Variants in TAAR1 observed in about 807,000 individuals in gnomAD.
The protein encoded by TAAR1 is trace amine associated receptor 1, also known as trace amine-associated receptor 1.
Under a neutral mutation model 1.2 loss-of-function variants are expected in TAAR1, and 1 was observed. That is an observed-to-expected ratio of 0.81 (90% CI 0.29 to 3.86). The LOEUF (loss-of-function observed/expected upper bound fraction) is 3.86, where lower values mean the gene tolerates loss of function less well. Among genes scored for constraint, TAAR1 ranks in the 30% most tolerant of loss-of-function variants. TAAR1 has a pLI of 0.18. For missense variants in TAAR1, 445 were observed against 405.6 expected (o/e 1.10, Z -0.83); for synonymous variants, 153 against 132.2 (o/e 1.16, Z -1.08).
At chr6:132,647,385 CACACACACAT>C (rs990124884) in intron 1 of TAAR1, among the ~76,000 whole-genome samples, 5 of 149,614 alleles carry the variant, frequency 3.3e-5, no homozygotes, top group Non-Finnish European at 7.4e-5. Context: ...CACACACACA[CACACACACAT>C]ATATAACACA....
intron 1 of TAAR1, among the ~76,000 whole-genome samples, chr6:132,653,228 C>T (rs898844694): frequency 3.3e-5 from 5 of 152,126 alleles, no homozygotes; most frequent in African/African-American, 1.2e-4. Flanking sequence ...GTAGTTGCAA[C>T]AGTGAAGAGC....
chr6:132,646,821 G>C (rs1227245799), intron 1 of TAAR1, among the ~76,000 whole-genome samples: 2 of 152,106 alleles, frequency 1.3e-5, no homozygotes, highest in Admixed American at 6.6e-5. Context: ...AATCATTAAA[G>C]CTTGAATATG....
rs772849752 is a variant in TAAR1, at chr6:132,645,611, A to G, written c.393T>C (p.Tyr131=). The G allele has an allele frequency of 4.3e-6, 7 of 1,613,588 alleles. No homozygotes were observed. Among genetic ancestry groups the G allele is most frequent in the Admixed American group, 1.7e-5 (1 of 59,838 alleles). Reference sequence around the variant, plus strand: ...TAACCAAGATATTCATCTTGGCTTTATATCTCAGTGGATCACACACAGCAT... The same window carrying G: ...TAACCAAGATATTCATCTTGGCTTTGTATCTCAGTGGATCACACACAGCAT... ...RYYAVCDPLR[Y]KAKMNILVIC... The change falls in exon 2 of 2, where the codon TAT becomes TAC. Residue 131 remains tyrosine (Y), a synonymous_variant. Transcript: ENST00000275216.
chr6:132,654,115 C>T (rs751067910), intron 1 of TAAR1, among the ~76,000 whole-genome samples: 4 of 152,258 alleles, frequency 2.6e-5, no homozygotes, highest in East Asian at 3.9e-4. Context: ...ATTTGGTTCC[C>T]GAACCAAGAA....
At chr6:132,646,668 A>C (rs1414116134) in intron 1 of TAAR1, among the ~76,000 whole-genome samples, 1 of 152,152 alleles carries the variant, frequency 6.6e-6, no homozygotes, top group Non-Finnish European at 1.5e-5. Context: ...GCAGCTTGCA[A>C]AGTACTTCTA....
chr6:132,652,164 A>T (rs1562204107), intron 1 of TAAR1, among the ~76,000 whole-genome samples: 5 of 151,572 alleles, frequency 3.3e-5, no homozygotes, highest in Non-Finnish European at 5.9e-5. Flanking sequence ...AAGCTAGGTG[A>T]TTTTTTTTTC....
At chr6:132,654,470 G>A (rs1292621472) in intron 1 of TAAR1, among the ~76,000 whole-genome samples, 1 of 152,118 alleles carries the variant, frequency 6.6e-6, no homozygotes, top group Non-Finnish European at 1.5e-5. Flanking sequence ...CAAATCTGTA[G>A]CCCTAAAATA....
intron 1 of TAAR1, among the ~76,000 whole-genome samples, chr6:132,657,440 A>G (rs1194297965): frequency 3.3e-5 from 5 of 152,024 alleles, no homozygotes; most frequent in Admixed American, 2.0e-4. Context: ...GATGTTAAAT[A>G]AAATGATCTG....
intron 1 of TAAR1, among the ~76,000 whole-genome samples, chr6:132,651,093 T>G (rs1205660437): frequency 2.0e-5 from 3 of 152,164 alleles, no homozygotes; most frequent in Non-Finnish European, 4.4e-5. Context: ...AGGCCTCAAG[T>G]TCTTGCTTGG....
intron 1 of TAAR1, among the ~76,000 whole-genome samples, chr6:132,652,154 A>G (rs1182770754): frequency 6.6e-6 from 1 of 150,976 alleles, no homozygotes; most frequent in African/African-American, 2.4e-5. Flanking sequence ...TGACTGGTAC[A>G]AGCTAGGTGA....
At position 132,645,323 on chromosome 6, in the gene TAAR1, G is replaced by C. The variant is rs1249602520; in HGVS notation, c.681C>G (p.Ala227=). 6.2e-7 allele frequency: 1 copy of C among 1,613,408 alleles called. No individual in the cohort carries two copies. ...CCAATCCAATTTGGAGCTTCTGATT[G>C]GCATCACTAATTAATCTTGCCTGTT... ...AKEQARLISD[A]NQKLQIGLEM... The change falls in exon 2 of 2, where the codon GCC becomes GCG. Residue 227 remains alanine (A), a synonymous_variant. Coordinates refer to ENST00000275216, the MANE Select transcript of TAAR1 (RefSeq NM_138327.4).
At chr6:132,651,010 T>C (rs1043457854) in intron 1 of TAAR1, among the ~76,000 whole-genome samples, 3 of 152,194 alleles carry the variant, frequency 2.0e-5, no homozygotes, top group African/African-American at 7.2e-5. Flanking sequence ...AATGAGAATC[T>C]CATCATCAAT....
chr6:132,650,488 C>T (rs1777738162), intron 1 of TAAR1, among the ~76,000 whole-genome samples: 1 of 152,148 alleles, frequency 6.6e-6, no homozygotes, highest in African/African-American at 2.4e-5. Context: ...CTCAGGAATC[C>T]TACTCCATTT....
rs199689408 is a variant in TAAR1 at position 132,656,187 on chromosome 6, C to CA, written c.-127+2942dup. Among the ~76,000 whole-genome samples, 379 of 151,690 alleles carry CA rather than the reference C, an allele frequency of 2.5e-3. 1 individual carries two copies. Among genetic ancestry groups the CA allele is most frequent in the Non-Finnish European group, 2.4e-3 (165 of 67,858 alleles). On this transcript the variant is annotated intron_variant, in intron 1 of 1. Transcript: ENST00000275216. The stretch of plus-strand genomic sequence containing the variant: ...CAACCAAACAAAAAGAAAACAAAAA[C>CA]AAAAAAAACTATTTTCTAGAGCTCT...
chr6:132,657,598 T>C (rs1028507844), intron 1 of TAAR1, among the ~76,000 whole-genome samples: 1 of 151,996 alleles, frequency 6.6e-6, no homozygotes, highest in Non-Finnish European at 1.5e-5. Context: ...TGCAGAGTAT[T>C]TAAAAATATC....
chr6:132,647,362 GCACACACACACACACACA>G (rs55908881), intron 1 of TAAR1, among the ~76,000 whole-genome samples: 6 of 140,694 alleles, frequency 4.3e-5, no homozygotes, highest in African/African-American at 1.3e-4. Flanking sequence ...ACATACGCAT[GCACACACACACACACACA>G]CACACACACA....
At chr6:132,651,321 A>T (rs1582752664) in intron 1 of TAAR1, among the ~76,000 whole-genome samples, 1 of 152,176 alleles carries the variant, frequency 6.6e-6, no homozygotes, top group East Asian at 1.9e-4. Flanking sequence ...TCTGATGAGT[A>T]TCATATGAAT....
At chr6:132,647,504 G>A (rs896137390) in intron 1 of TAAR1, among the ~76,000 whole-genome samples, 1 of 147,122 alleles carries the variant, frequency 6.8e-6, no homozygotes, top group Non-Finnish European at 1.5e-5. Context: ...AAGAAAGGAA[G>A]GGAGGGAGGG....
At position 132,644,063 on chromosome 6, in the gene TAAR1, G is replaced by A. The variant is rs1005972239; in HGVS notation, c.*921C>T. 2.0e-5 allele frequency among the ~76,000 whole-genome samples: 3 copies of A among 151,862 alleles called. No individual in the cohort carries two copies. The highest frequency in any genetic ancestry group is 4.4e-5 in the Non-Finnish European group (3 of 67,910). On this transcript the variant is annotated 3_prime_UTR_variant, in exon 2 of 2. Transcript: ENST00000275216. ...TTCTAGACATTTTCATGACTTCAGT[G>A]GCAGGTAAAAAGCAGGAATTTCATT...
Sources: gnomAD v4.1 joint callset for allele counts (sites outside exome capture counted in the v4.1 genomes callset) on GRCh38, gnomAD v4.1.1 for gene constraint, MANE v1.5 for transcripts, NCBI Gene and HGNC (gene_info 2026-07-23, HGNC 2026-07-21) for gene names.